The following ADGRL3 variants were observed in gnomAD, a reference collection of about 807,000 sequenced individuals.
ADGRL3 encodes the protein calcium-independent alpha-latrotoxin receptor 3.
A neutral mutation model predicts 153.5 loss-of-function variants in ADGRL3; 62 were observed. The ratio of observed to expected loss-of-function variants is 0.40; its 90% CI spans 0.33 to 0.50. The LOEUF is 0.50. Ranked by LOEUF, ADGRL3 falls within the 20% of genes least tolerant of loss-of-function variation. The probability of loss-of-function intolerance (pLI) is 0.47; values close to 1 mark genes in which losing one functional copy is unlikely to be tolerated. For missense variants in ADGRL3, 1,641 were observed against 1,859.4 expected, an observed-to-expected ratio of 0.88 and a Z score of 2.16; for synonymous variants, 710 against 672.5, an observed-to-expected ratio of 1.06 and a Z score of -0.86.
intron 2 of ADGRL3, among the ~76,000 whole-genome samples, chr4:61,384,362 A>G (rs2151930904): frequency 6.6e-6 from 1 of 151,730 alleles, no homozygotes; most frequent in South Asian, 2.1e-4. Flanking sequence ...CAAACAATTA[A>G]TATTATTTCC....
intron 1 of ADGRL3, among the ~76,000 whole-genome samples, chr4:61,342,618 A>C (rs970483230): frequency 3.9e-5 from 6 of 152,078 alleles, no homozygotes; most frequent in African/African-American, 1.2e-4. Flanking sequence ...GACTCTTGCC[A>C]TCTGGCTCTC....
intron 1 of ADGRL3, among the ~76,000 whole-genome samples, chr4:61,235,854 T>C (rs1256708688): frequency 6.6e-6 from 1 of 152,128 alleles, no homozygotes; most frequent in Non-Finnish European, 1.5e-5. Context: ...CCTAATATCC[T>C]GGTCCCTGTG....
chr4:61,445,369 G>C (rs942459286), intron 2 of ADGRL3, among the ~76,000 whole-genome samples: 9 of 152,182 alleles, frequency 5.9e-5, no homozygotes, highest in African/African-American at 1.9e-4. Context: ...TTCCATTTAT[G>C]ATGTTAGAAC....
intron 22 of ADGRL3, among the ~76,000 whole-genome samples, chr4:62,029,265 T>G (rs1720620061): frequency 6.6e-6 from 1 of 151,814 alleles, no homozygotes; most frequent in African/African-American, 2.4e-5. Context: ...TTGTGTCATT[T>G]ACTGGTATAT....
Position 62,071,720 on chromosome 4 carries a change from T to C in ADGRL3, c.*812T>C. 1 of 426,036 alleles carries C rather than the reference T, an allele frequency of 2.3e-6. No individual in the cohort carries two copies. 26.4% of individuals were successfully genotyped at this position (426,036 alleles called of 1,614,324 possible). On this transcript the variant is annotated 3_prime_UTR_variant, in exon 27 of 27. Transcript: ENST00000683033. ...AGTAAGAGAGCAAAGTTTCCTTCCT[T>C]TCTTCTCTTTCTTCATTTTCTTTTT...
intron 2 of ADGRL3, among the ~76,000 whole-genome samples, chr4:61,391,929 G>A (rs557105054): frequency 2.2e-5 from 3 of 137,302 alleles, no homozygotes; most frequent in South Asian, 2.4e-4. Context: ...GCGCGAGCTC[G>A]CCTCACTGCA....
At chr4:61,755,439 A>G (rs1190025585) in intron 8 of ADGRL3, among the ~76,000 whole-genome samples, 2 of 152,118 alleles carry the variant, frequency 1.3e-5, no homozygotes, top group African/African-American at 2.4e-5. Context: ...GTCTGTTCAT[A>G]TCCTTCGCCC....
Position 61,645,981 on chromosome 4 carries a change from G to A in ADGRL3, c.474-30845G>A, listed in dbSNP as rs564829144. On this transcript the variant is annotated intron_variant, in intron 5 of 26. Coordinates refer to ENST00000683033, the MANE Select transcript of ADGRL3 (RefSeq NM_001387552.1). ...CCCATATTTCTTGGAGGCTTTGCTC[G>A]TTTCTTTTTATTCTTTTTTCTCTAA... is the stretch of plus-strand genomic sequence containing the variant. 1.8e-3 allele frequency among the ~76,000 whole-genome samples: 275 copies of A among 152,170 alleles called. 3 individuals are homozygous for A. The highest frequency in any genetic ancestry group is 6.1e-3 in the African/African-American group (252 of 41,508).
intron 1 of ADGRL3, among the ~76,000 whole-genome samples, chr4:61,277,264 C>T (rs1348782071): frequency 6.6e-6 from 1 of 151,934 alleles, no homozygotes; most frequent in Admixed American, 6.6e-5. Flanking sequence ...TAAGCCTGAC[C>T]GAGTTATAAG....
intron 6 of ADGRL3, among the ~76,000 whole-genome samples, chr4:61,711,269 C>A (rs2095975687): frequency 6.6e-6 from 1 of 151,516 alleles, no homozygotes; most frequent in African/African-American, 2.4e-5. Flanking sequence ...TTACTATTTT[C>A]ACAGGAGAAT....
rs1243026608 is a variant in ADGRL3 at position 61,267,765 on chromosome 4, G to T, written c.-240+66000G>T. Reference sequence around the variant, plus strand: ...CAGGCTGTACATGAACTTAATCACTGTATCTATTTCAGAGAAGATATCTGT... The same window carrying T: ...CAGGCTGTACATGAACTTAATCACTTTATCTATTTCAGAGAAGATATCTGT... On this transcript the variant is annotated intron_variant, in intron 1 of 26. Transcript: ENST00000683033. Among the ~76,000 whole-genome samples, 3 of 151,586 alleles carry T rather than the reference G, an allele frequency of 2.0e-5. No individual in the cohort carries two copies. The East Asian group carries it at 5.8e-4, about 29-fold the overall frequency.
chr4:61,856,502 CCTT>C (rs1461344468), intron 9 of ADGRL3, among the ~76,000 whole-genome samples: 1 of 148,354 alleles, frequency 6.7e-6, no homozygotes, highest in African/African-American at 2.5e-5. Flanking sequence ...CACCTCCCCT[CCTT>C]CTTTCCTCCC....
intron 1 of ADGRL3, among the ~76,000 whole-genome samples, chr4:61,359,232 A>C (rs1465532042): frequency 6.6e-6 from 1 of 152,170 alleles, no homozygotes; most frequent in Non-Finnish European, 1.5e-5. Context: ...GTATCTTTGC[A>C]ACTAGTTGGA....
At chr4:61,565,138 A>AC (rs2098811231) in intron 4 of ADGRL3, among the ~76,000 whole-genome samples, 1 of 152,220 alleles carries the variant, frequency 6.6e-6, no homozygotes, top group African/African-American at 2.4e-5. Context: ...CAGGATTGCT[A>AC]CACACCTTCA....
chr4:61,275,913 A>C (rs893703671), intron 1 of ADGRL3, among the ~76,000 whole-genome samples: 3 of 152,202 alleles, frequency 2.0e-5, no homozygotes, highest in Non-Finnish European at 4.4e-5. Context: ...ATCAACTTTT[A>C]TTTTATTATT....
intron 9 of ADGRL3, among the ~76,000 whole-genome samples, chr4:61,884,654 T>C (rs1372243856): frequency 6.6e-6 from 1 of 151,984 alleles, no homozygotes; most frequent in Non-Finnish European, 1.5e-5. Context: ...AGATGGAGTC[T>C]CGCTCTGTCA....
At chr4:61,588,309 T>A (rs967308819) in intron 5 of ADGRL3, among the ~76,000 whole-genome samples, 1 of 151,930 alleles carries the variant, frequency 6.6e-6, no homozygotes, top group African/African-American at 2.4e-5. Flanking sequence ...AATTGAAGTC[T>A]AAAGACAAAA....
At chr4:61,530,263 T>C (rs879408485) in intron 4 of ADGRL3, among the ~76,000 whole-genome samples, 1 of 152,062 alleles carries the variant, frequency 6.6e-6, no homozygotes, top group Non-Finnish European at 1.5e-5. Flanking sequence ...TTTCTGACTG[T>C]CTCTGCTGGT....
In ADGRL3 at chr4:61,720,330, C is replaced by G. The variant is rs1258445962; in HGVS notation, c.584-10292C>G. On this transcript the variant is annotated intron_variant, in intron 6 of 26. Coordinates refer to ENST00000683033, the MANE Select transcript of ADGRL3 (RefSeq NM_001387552.1). ...GTGTCCAACTCCCGACCTCGTGATCCACACACCTCGGCCTCCCAAAGTGCT... is the reference window on the plus strand; with the variant it reads ...GTGTCCAACTCCCGACCTCGTGATCGACACACCTCGGCCTCCCAAAGTGCT... 2.7e-5 allele frequency among the ~76,000 whole-genome samples: 4 copies of G among 150,034 alleles called. No homozygotes were observed. The East Asian group carries it at 7.9e-4, about 30-fold the overall frequency.
Sources: gnomAD v4.1 joint callset for allele counts (sites outside exome capture counted in the v4.1 genomes callset) on GRCh38, gnomAD v4.1.1 for gene constraint, MANE v1.5 for transcripts, NCBI Gene and HGNC (gene_info 2026-07-23, HGNC 2026-07-21) for gene names.